Variants in FBXO10 observed in about 807,000 individuals in gnomAD.
FBXO10 encodes F-box only protein 10.
In FBXO10, 39 loss-of-function variants were observed where a neutral mutation model predicts 80.7. That is an observed-to-expected ratio of 0.48 (90% CI 0.37 to 0.63). The LOEUF (loss-of-function observed/expected upper bound fraction) is 0.63, where lower values mean the gene tolerates loss of function less well. FBXO10 is among the 30% of genes least tolerant of loss of function. The probability of loss-of-function intolerance (pLI) is 0.00; values close to 1 mark genes in which losing one functional copy is unlikely to be tolerated. For missense variants in FBXO10, 1,025 were observed against 1,269.0 expected, an observed-to-expected ratio of 0.81 and a Z score of 2.92; for synonymous variants, 449 against 489.6, an observed-to-expected ratio of 0.92 and a Z score of 1.09.
chr9:37,541,650 A>G lies in FBXO10; in HGVS notation c.119T>C (p.Leu40Pro). ...CAGCTGCCGCCAGCGGGTGCTGTCG[A>G]GACTGAGGATCAGTTCATACCAGGC... The part of the protein sequence containing the change: ...CRAWYELILS[L>P]DSTRWRQLCL... The change falls in exon 2 of 11, where the codon CTC becomes CCC. Residue 40 changes from leucine to proline, a missense_variant. Physicochemically the swap from Leu to Pro is moderately conservative, Grantham distance 98 (BLOSUM62 -3). Coordinates refer to ENST00000432825, the MANE Select transcript of FBXO10 (RefSeq NM_012166.3). The G allele has an allele frequency of 6.2e-7, 1 of 1,613,940 alleles. No individual in the cohort carries two copies. Among genetic ancestry groups the G allele is most frequent in the Non-Finnish European group, 8.5e-7 (1 of 1,179,870 alleles).
Position 37,541,358 on chromosome 9 carries a change from G to A in FBXO10, c.411C>T (p.Phe137=). ...MASLYDRIVL[F]PGVYEEQGEI... is the part of the protein sequence containing the mutation. ...CACCTTGCTCTTCGTACACACCTGG[G>A]AAGAGCACAATTCGGTCATACAGGC... is the stretch of plus-strand genomic sequence containing the variant. The change falls in exon 2 of 11, where the codon TTC becomes TTT. Residue 137 remains phenylalanine, a synonymous_variant. Coordinates refer to ENST00000432825, the MANE Select transcript of FBXO10 (RefSeq NM_012166.3). The A allele has an allele frequency of 1.2e-6, 2 of 1,614,020 alleles. No homozygotes were observed. Among genetic ancestry groups the A allele is most frequent in the Non-Finnish European group, 1.7e-6 (2 of 1,179,894 alleles).
At chr9:37,517,459 G>A (rs1372992628) in intron 9 of FBXO10, among the ~76,000 whole-genome samples, 1 of 137,572 alleles carries the variant, frequency 7.3e-6, no homozygotes, top group African/African-American at 2.8e-5. Flanking sequence ...ATAGAAAGGT[G>A]CTCAGAGCTC....
chr9:37,567,145 T>C (rs545510049), intron 1 of FBXO10, among the ~76,000 whole-genome samples: 2 of 148,876 alleles, frequency 1.3e-5, no homozygotes, highest in East Asian at 1.9e-4. Flanking sequence ...TTTTTCTTTT[T>C]TTCTTTTTTT....
Position 37,514,317 on chromosome 9 carries a change from T to C in FBXO10, c.2696+1587A>G, listed in dbSNP as rs1821131079. Among the ~76,000 whole-genome samples, 4 of 152,024 alleles carry C rather than the reference T, an allele frequency of 2.6e-5. No homozygotes were observed. In the South Asian group the frequency reaches 8.3e-4, roughly 32 times the overall value. ...GGACCTCAGGGTACACAGCGGACAA[T>C]ACCAGAGCTGGCATTGGCAAAGTCC... On this transcript the variant is annotated intron_variant, in intron 10 of 10. Transcript: ENST00000432825.
rs72739687 is a variant in FBXO10 at position 37,572,419 on chromosome 9, A to G, written c.-7+3792T>C. ...ACTTGGCAGTCAGAAACTATAAGCA[A>G]CTCAAGTATCCATCAACCACAGGAT... On this transcript the variant is annotated intron_variant, in intron 1 of 10. Coordinates refer to ENST00000432825, the MANE Select transcript of FBXO10 (RefSeq NM_012166.3). 1.3e-3 allele frequency among the ~76,000 whole-genome samples: 197 copies of G among 152,286 alleles called. 1 individual carries two copies. In the East Asian group the frequency reaches 0.022, roughly 17 times the overall value.
chr9:37,559,052 G>A (rs1005765680), intron 1 of FBXO10, among the ~76,000 whole-genome samples: 1 of 152,088 alleles, frequency 6.6e-6, no homozygotes, highest in African/African-American at 2.4e-5. Flanking sequence ...CAGGTGATCC[G>A]CCCGCCTCGG....
intron 1 of FBXO10, among the ~76,000 whole-genome samples, chr9:37,552,692 A>T (rs71504533): frequency 5.2e-5 from 1 of 19,336 alleles, no homozygotes; most frequent in East Asian, 0.17. Flanking sequence ...ACTCCATATC[A>T]AAAAAAAAAA....
intron 1 of FBXO10, among the ~76,000 whole-genome samples, chr9:37,569,400 A>G (rs1822690767): frequency 6.6e-6 from 1 of 151,218 alleles, no homozygotes; most frequent in African/African-American, 2.4e-5. Flanking sequence ...TAAAGCAAAA[A>G]AAAAAAAAAA....
At chr9:37,533,677 C>T (rs540406006) in intron 3 of FBXO10, among the ~76,000 whole-genome samples, 122 of 152,010 alleles carry the variant, frequency 8.0e-4, no homozygotes, top group African/African-American at 2.5e-3. Flanking sequence ...TTGAGACCAG[C>T]CTGGCCAACA....
intron 1 of FBXO10, among the ~76,000 whole-genome samples, chr9:37,545,441 T>G (rs1212229739): frequency 6.6e-6 from 1 of 152,150 alleles, no homozygotes; most frequent in Admixed American, 6.5e-5. Flanking sequence ...CCTCCCAAAG[T>G]CCTGGGATTA....
At chr9:37,571,581 A>G (rs931832842) in intron 1 of FBXO10, among the ~76,000 whole-genome samples, 14 of 151,094 alleles carry the variant, frequency 9.3e-5, no homozygotes, top group African/African-American at 2.9e-4. Flanking sequence ...TCCTCCCCCA[A>G]TCCAGCTTTC....
In FBXO10 at chr9:37,558,357, C is replaced by A. The variant is rs549093499; in HGVS notation, c.-6-16583G>T. Among the ~76,000 whole-genome samples, 4 of 152,230 alleles carry A rather than the reference C, an allele frequency of 2.6e-5. No homozygotes were observed. In the South Asian group the frequency reaches 8.3e-4, roughly 32 times the overall value. On this transcript the variant is annotated intron_variant, in intron 1 of 10. Coordinates refer to ENST00000432825, the MANE Select transcript of FBXO10 (RefSeq NM_012166.3). ...GAATAAGAGAGACCCAAATTGCAAC[C>A]ACCAACCCTCATAAATGCATCTCTG...
At chr9:37,550,616 A>T (rs1282872593) in intron 1 of FBXO10, among the ~76,000 whole-genome samples, 1 of 151,444 alleles carries the variant, frequency 6.6e-6, no homozygotes. Flanking sequence ...AGTTGCTGGG[A>T]CTACAGGCCT....
intron 8 of FBXO10, among the ~76,000 whole-genome samples, chr9:37,520,546 T>G (rs1821314906): frequency 2.3e-5 from 2 of 86,746 alleles, no homozygotes; most frequent in African/African-American, 1.0e-4. Flanking sequence ...TTTTTTTTTG[T>G]AGAAACCAAG....
intron 2 of FBXO10, among the ~76,000 whole-genome samples, chr9:37,539,048 T>A (rs1227877126): frequency 6.6e-6 from 1 of 152,190 alleles, no homozygotes; most frequent in Non-Finnish European, 1.5e-5. Context: ...AAAAGAGCTG[T>A]TTCTGGATTT....
In FBXO10 at chr9:37,549,841, T is replaced by C. The variant is rs142862665; in HGVS notation, c.-6-8067A>G. Among the ~76,000 whole-genome samples the C allele has an allele frequency of 4.6e-5, 7 of 152,336 alleles. No homozygotes were observed. In the East Asian group the frequency reaches 1.3e-3, roughly 29 times the overall value. On this transcript the variant is annotated intron_variant, in intron 1 of 10. Coordinates refer to ENST00000432825, the MANE Select transcript of FBXO10 (RefSeq NM_012166.3). ...TTTAGCAATACTACAAGTGGCATTGTACCTTTTTATTAGGAGCCACATTTC... is the reference window on the plus strand; with the variant it reads ...TTTAGCAATACTACAAGTGGCATTGCACCTTTTTATTAGGAGCCACATTTC...
chr9:37,552,565 G>A (rs1397437638), intron 1 of FBXO10, among the ~76,000 whole-genome samples: 6 of 151,956 alleles, frequency 3.9e-5, no homozygotes, highest in Admixed American at 1.3e-4. Context: ...GGTGGTGGGC[G>A]CCTGTAGTCC....
At chr9:37,562,948 T>C (rs1822515664) in intron 1 of FBXO10, among the ~76,000 whole-genome samples, 1 of 151,812 alleles carries the variant, frequency 6.6e-6, no homozygotes, top group African/African-American at 2.4e-5. Context: ...AGGGGAAAAA[T>C]GCTTAGTGCC....
Position 37,518,254 on chromosome 9 carries a change from C to T in FBXO10, c.2385G>A (p.Arg795=). 1 of 1,614,066 alleles carries T rather than the reference C, an allele frequency of 6.2e-7. No individual in the cohort carries two copies. Among genetic ancestry groups the T allele is most frequent in the Non-Finnish European group, 8.5e-7 (1 of 1,179,902 alleles). ...CTCTGTTGTCATAGATACCATTGCC[C>T]CGGAGCTCCACTTTGCACTGGGCCT... is the stretch of plus-strand genomic sequence containing the variant. ...KVEAQCKVEL[R]GNGIYDNRGH... Residue 795 remains arginine (R), a synonymous_variant, in exon 9 of 11, where the codon CGG becomes CGA. Transcript: ENST00000432825.
Sources: gnomAD v4.1 joint callset for allele counts (sites outside exome capture counted in the v4.1 genomes callset) on GRCh38, gnomAD v4.1.1 for gene constraint, MANE v1.5 for transcripts, NCBI Gene and HGNC (gene_info 2026-07-23, HGNC 2026-07-21) for gene names.